The following GNAL variants were observed in gnomAD, a reference collection of about 807,000 sequenced individuals.
The protein encoded by GNAL is G protein subunit alpha L, also known as guanine nucleotide-binding protein G(olf) subunit alpha.
Under a neutral mutation model 55.1 loss-of-function variants are expected in GNAL, and 18 were observed. The ratio of observed to expected loss-of-function variants is 0.33; its 90% confidence interval spans 0.23 to 0.48. The LOEUF (loss-of-function observed/expected upper bound fraction) is 0.48, where lower values mean the gene tolerates loss of function less well. Ranked by LOEUF, GNAL falls within the 20% of genes least tolerant of loss-of-function variation. The probability of loss-of-function intolerance (pLI) is 0.99; values close to 1 mark genes in which losing one functional copy is unlikely to be tolerated. For synonymous variants in GNAL, 253 were observed against 237.0 expected, an observed-to-expected ratio of 1.07 and a Z score of -0.62; for missense variants, 412 against 614.1, an observed-to-expected ratio of 0.67 and a Z score of 3.48.
chr18:11,750,589 G>A (rs2032794677), intron 1 of GNAL, among the ~76,000 whole-genome samples: 1 of 152,122 alleles, frequency 6.6e-6, no homozygotes, highest in Non-Finnish European at 1.5e-5. Context: ...CCACAGAGAC[G>A]GAAAGAAAAT....
chr18:11,727,080 G>A (rs932350829), intron 1 of GNAL, among the ~76,000 whole-genome samples: 1 of 152,104 alleles, frequency 6.6e-6, no homozygotes, highest in African/African-American at 2.4e-5. Context: ...CGCGCTGGGT[G>A]CCCCTCCCTC....
In GNAL at chr18:11,751,492, C is replaced by G. The variant is rs2032824590; in HGVS notation, c.377-1361C>G. The G allele has an allele frequency of 5.1e-6, 5 of 985,368 alleles. No homozygotes were observed. The South Asian group carries it at 2.3e-4, about 46-fold the overall frequency. The allele number at this position is 985,368 out of a possible 1,614,324, so 61.0% of individuals were successfully genotyped here. On this transcript the variant is annotated intron_variant, in intron 1 of 11. Coordinates refer to ENST00000334049, the MANE Select transcript of GNAL (RefSeq NM_182978.4). This position sits in a 1 kb window ranked among gnomAD's most constrained non-coding sequence, Gnocchi z 4.5. ...GGAATAGTCTAGAAGCTGAGCAGAA[C>G]AAAGGCGGTGTGACTGGTGAGCCTC...
chr18:11,730,686 C>G (rs2032318940), intron 1 of GNAL, among the ~76,000 whole-genome samples: 1 of 152,032 alleles, frequency 6.6e-6, no homozygotes, highest in African/African-American at 2.4e-5. Context: ...ATCTCTCAAA[C>G]ACAGGAGGTG....
In GNAL at chr18:11,881,089, G is replaced by A. The variant is rs1258870724; in HGVS notation, c.1331G>A (p.Arg444His). The A allele has an allele frequency of 6.2e-6, 10 of 1,613,122 alleles. No individual in the cohort carries two copies. The highest frequency in any genetic ancestry group is 1.1e-5 in the South Asian group (1 of 90,850). Residue 444 changes from arginine (R) to histidine (H), a missense_variant, in exon 12 of 12, where the codon CGC (arginine) becomes CAC (histidine). This residue lies in a region of GNAL where 79 missense variants were observed against 127.1 expected (regional missense o/e 0.62). Coordinates refer to ENST00000334049, the MANE Select transcript of GNAL (RefSeq NM_182978.4). The surrounding 1 kb of genome is among the most constrained non-coding windows in gnomAD (Gnocchi z 4.8). Reference protein sequence around the residue: ...ENIRRVFNDCRDIIQRMHLKQ... With the variant: ...ENIRRVFNDCHDIIQRMHLKQ... ...ATCCGCAGGGTGTTCAACGACTGCCGCGACATCATCCAGCGGATGCACCTC... is the reference window on the plus strand; with the variant it reads ...ATCCGCAGGGTGTTCAACGACTGCCACGACATCATCCAGCGGATGCACCTC...
rs377146275 is a variant in GNAL at position 11,857,651 on chromosome 18, A to G, written c.723-4744A>G. 2.5e-5 allele frequency: 25 copies of G among 985,300 alleles called. No homozygotes were observed. The Admixed American group carries it at 4.3e-4, about 17-fold the overall frequency. 61.0% of individuals were successfully genotyped at this position (985,300 alleles called of 1,614,324 possible). ...CCATGAATCACTGATCACCTGGGACATGGTTCAGCTGCACATGCTGACGCA... is the reference window on the plus strand; with the variant it reads ...CCATGAATCACTGATCACCTGGGACGTGGTTCAGCTGCACATGCTGACGCA... On this transcript the variant is annotated intron_variant, in intron 5 of 11. Coordinates refer to ENST00000334049, the MANE Select transcript of GNAL (RefSeq NM_182978.4).
At chr18:11,801,982 A>T (rs1362201302) in intron 4 of GNAL, among the ~76,000 whole-genome samples, 1 of 152,174 alleles carries the variant, frequency 6.6e-6, no homozygotes, top group African/African-American at 2.4e-5. Context: ...AAGCATAATC[A>T]TGGCAAAAAT....
intron 4 of GNAL, among the ~76,000 whole-genome samples, chr18:11,776,209 T>C (rs1344755996): frequency 6.6e-6 from 1 of 152,222 alleles, no homozygotes; most frequent in African/African-American, 2.4e-5. Context: ...CATGCTATTC[T>C]TTGGGTTTCT....
At chr18:11,829,735 C>T (rs530824808) in intron 5 of GNAL, among the ~76,000 whole-genome samples, 4 of 152,240 alleles carry the variant, frequency 2.6e-5, no homozygotes, top group East Asian at 1.9e-4. Flanking sequence ...AGTCAACGGG[C>T]GCAGTAGCTC....
intron 1 of GNAL, among the ~76,000 whole-genome samples, chr18:11,724,419 C>T (rs1383977441): frequency 2.0e-5 from 3 of 152,184 alleles, no homozygotes; most frequent in African/African-American, 7.2e-5. Flanking sequence ...AAAGGATGTC[C>T]CTTCCCCACT....
chr18:11,719,837 C>T (rs185752983), intron 1 of GNAL, among the ~76,000 whole-genome samples: 27 of 152,326 alleles, frequency 1.8e-4, no homozygotes, highest in Admixed American at 5.2e-4. Flanking sequence ...TGCAGAGCTG[C>T]GCTCGCACCA....
rs534085236 is a variant in GNAL at position 11,868,847 on chromosome 18, C to T, written c.1031+184C>T. Reference sequence around the variant, plus strand: ...GCAACATGGAGAAACCCTGTCTCTACAAAAAATACAAAAATTAGCCAGGTG... The same window carrying T: ...GCAACATGGAGAAACCCTGTCTCTATAAAAAATACAAAAATTAGCCAGGTG... On this transcript the variant is annotated intron_variant, in intron 9 of 11. Coordinates refer to ENST00000334049, the MANE Select transcript of GNAL (RefSeq NM_182978.4). This position sits in a 1 kb window ranked among gnomAD's most constrained non-coding sequence, Gnocchi z 4.0. 1.3e-5 allele frequency among the ~76,000 whole-genome samples: 2 copies of T among 152,010 alleles called. No homozygotes were observed. Among genetic ancestry groups the T allele is most frequent in the Admixed American group, 1.3e-4 (2 of 15,260 alleles).
chr18:11,726,114 CTGTT>C (rs1351715950), intron 1 of GNAL, among the ~76,000 whole-genome samples: 1 of 152,234 alleles, frequency 6.6e-6, no homozygotes, highest in Non-Finnish European at 1.5e-5. Flanking sequence ...ATCTGCATGT[CTGTT>C]GTTGCACCAG....
At chr18:11,710,903 T>A (rs2031822038) in intron 1 of GNAL, among the ~76,000 whole-genome samples, 1 of 152,198 alleles carries the variant, frequency 6.6e-6, no homozygotes, top group Non-Finnish European at 1.5e-5. Context: ...TGAGATGGAG[T>A]CTCGCTCTGT....
chr18:11,689,533 C>G lies in GNAL; in HGVS notation c.-31C>G. The G allele has an allele frequency of 8.9e-7, 1 of 1,129,914 alleles. No individual in the cohort carries two copies. 70.0% of individuals were successfully genotyped at this position (1,129,914 alleles called of 1,614,324 possible). A position where few individuals can be genotyped will look rare whatever the true frequency, so the allele number is the denominator to read the frequency against. ...CCTCGGCGCCCAGCCTGCCCTAGTC[C>G]CGCGCGCCGCCCCCGCTGTGCCGCG... is the stretch of plus-strand genomic sequence containing the variant. On this transcript the variant is annotated 5_prime_UTR_variant, in exon 1 of 12. Coordinates refer to ENST00000334049, the MANE Select transcript of GNAL (RefSeq NM_182978.4).
intron 1 of GNAL, among the ~76,000 whole-genome samples, chr18:11,732,009 C>T (rs1014908180): frequency 6.6e-6 from 1 of 152,184 alleles, no homozygotes; most frequent in Non-Finnish European, 1.5e-5. Context: ...TAACATACAT[C>T]TCTACTTCAT....
chr18:11,689,659 C>A lies in GNAL; in HGVS notation c.96C>A (p.Pro32=), dbSNP rs1567985767. ...AGCCGCCGGTGGAGGACGCGCAGCC[C>A]GCCCCGGCCCCGGCCCTGGCCCCAG... ...ASEPPVEDAQ[P]APAPALAPVR... is the part of the protein sequence containing the mutation. The change falls in exon 1 of 12, where the codon CCC becomes CCA. Residue 32 remains proline (P), a synonymous_variant. Coordinates refer to ENST00000334049, the MANE Select transcript of GNAL (RefSeq NM_182978.4). 3 of 1,368,854 alleles carry A rather than the reference C, an allele frequency of 2.2e-6. No homozygotes were observed. Among genetic ancestry groups the A allele is most frequent in the Non-Finnish European group, 2.8e-6 (3 of 1,056,084 alleles). 84.8% of individuals were successfully genotyped at this position (1,368,854 alleles called of 1,614,324 possible).
At chr18:11,705,728 T>C (rs965978766) in intron 1 of GNAL, among the ~76,000 whole-genome samples, 1 of 151,780 alleles carries the variant, frequency 6.6e-6, no homozygotes, top group Non-Finnish European at 1.5e-5. Context: ...GCTTTTCATA[T>C]ACCTGCTGGA....
At chr18:11,691,188 A>G (rs1794905115) in intron 1 of GNAL, among the ~76,000 whole-genome samples, 2 of 151,886 alleles carry the variant, frequency 1.3e-5, no homozygotes, top group African/African-American at 4.8e-5. Flanking sequence ...TGTGGTTTTG[A>G]TTTGCATTTC....
chr18:11,690,455 A>C (rs562244172), intron 1 of GNAL, among the ~76,000 whole-genome samples: 13 of 148,422 alleles, frequency 8.8e-5, no homozygotes, highest in Admixed American at 2.0e-4. Context: ...CTTGAGCTGC[A>C]CTTGCATTTT....
Sources: allele counts gnomAD v4.1 joint callset (sites outside exome capture counted in the v4.1 genomes callset), GRCh38; gene constraint gnomAD v4.1.1; regional missense constraint gnomAD v4.1.1; non-coding constraint Gnocchi (gnomAD v3.1); transcripts MANE v1.5; gene names NCBI Gene and HGNC (gene_info 2026-07-23, HGNC 2026-07-21).